PAXBP1: variants seen among roughly 807,000 people sequenced by gnomAD.
The protein encoded by PAXBP1 is PAX3- and PAX7-binding protein 1.
In PAXBP1, 44 loss-of-function variants were observed where a neutral mutation model predicts 119.9. That is an observed-to-expected ratio of 0.37 (90% CI 0.29 to 0.47). The LOEUF (loss-of-function observed/expected upper bound fraction) is 0.47, where lower values mean the gene tolerates loss of function less well. Among genes scored for constraint, PAXBP1 ranks in the 20% least tolerant of loss-of-function variants. The pLI is 0.99. For missense variants in PAXBP1, 898 were observed against 1,134.1 expected (o/e 0.79, Z 2.99); for synonymous variants, 393 against 406.6 (o/e 0.97, Z 0.40).
At chr21:32,757,085 G>A (rs1329376222) in intron 7 of PAXBP1, among the ~76,000 whole-genome samples, 1 of 151,830 alleles carries the variant, frequency 6.6e-6, no homozygotes, top group African/African-American at 2.4e-5. Flanking sequence ...AAAAACAATG[G>A]CAAGTTAAAA....
chr21:32,741,993 A>G (rs1404286841), intron 15 of PAXBP1, among the ~76,000 whole-genome samples: 1 of 152,296 alleles, frequency 6.6e-6, no homozygotes, highest in East Asian at 1.9e-4. Context: ...CCTCAAATTT[A>G]TTCAGTGGAA....
chr21:32,743,148 T>C (rs985764855), intron 15 of PAXBP1, 100 bp downstream of exon 15: 2 of 856,694 alleles, frequency 2.3e-6, no homozygotes, highest in East Asian at 2.6e-5. Flanking sequence ...TATAAATAGA[T>C]CTAAGCCTAT....
At chr21:32,753,818 T>C (rs1270798028) in intron 8 of PAXBP1, among the ~76,000 whole-genome samples, 1 of 152,220 alleles carries the variant, frequency 6.6e-6, no homozygotes, top group Non-Finnish European at 1.5e-5. Flanking sequence ...TCTAAGTAAA[T>C]AGCTCCATAT....
chr21:32,746,379 T>G (rs538557389), intron 11 of PAXBP1, among the ~76,000 whole-genome samples: 1 of 152,068 alleles, frequency 6.6e-6, no homozygotes, highest in African/African-American at 2.4e-5. Flanking sequence ...CTGACAAAGG[T>G]CTAATATCCA....
intron 15 of PAXBP1, among the ~76,000 whole-genome samples, chr21:32,741,885 TTTTC>T (rs2146472001): frequency 6.6e-6 from 1 of 152,284 alleles, no homozygotes; most frequent in South Asian, 2.1e-4. Flanking sequence ...TATGGTATTG[TTTTC>T]TGAGTCCCAA....
At chr21:32,746,746 CAGAA>C (rs1305796284) in intron 11 of PAXBP1, among the ~76,000 whole-genome samples, 1 of 152,144 alleles carries the variant, frequency 6.6e-6, no homozygotes, top group Admixed American at 6.5e-5. Context: ...TATATACCTA[CAGAA>C]ATATAAATCA....
Position 32,769,877 on chromosome 21 carries a change from T to C in PAXBP1, c.409A>G (p.Lys137Glu). ...TTTTCAAGATCTTCTTTATATTCCTTCTTGAGCAATTTTACTATCTTTTTG... is the reference window on the plus strand; with the variant it reads ...TTTTCAAGATCTTCTTTATATTCCTCCTTGAGCAATTTTACTATCTTTTTG... ...YSKKIVKLLK[K>E]EYKEDLEKSK... The change falls in exon 2 of 18, where the codon AAG (lysine) becomes GAG (glutamate). Residue 137 changes from lysine (K) to glutamate (E), a missense_variant. Physicochemically the swap from Lys to Glu is moderately conservative, Grantham distance 56. Coordinates refer to ENST00000331923, the MANE Select transcript of PAXBP1 (RefSeq NM_016631.4). 1 of 1,595,244 alleles carries C rather than the reference T, an allele frequency of 6.3e-7. No individual in the cohort carries two copies. Among genetic ancestry groups the C allele is most frequent in the Non-Finnish European group, 8.5e-7 (1 of 1,171,880 alleles).
intron 4 of PAXBP1, 150 bp from the exon 5 acceptor site, chr21:32,761,312 C>A (rs1285019571): frequency 1.5e-6 from 1 of 662,960 alleles, no homozygotes; most frequent in East Asian, 2.5e-5. Flanking sequence ...ATTTGGTAGT[C>A]CTGACTTTGC....
intron 2 of PAXBP1, among the ~76,000 whole-genome samples, chr21:32,769,266 T>C (rs904910100): frequency 6.6e-6 from 1 of 152,156 alleles, no homozygotes; most frequent in Non-Finnish European, 1.5e-5. Context: ...TTTTTTAAAC[T>C]GAGGTTTTGA....
intron 2 of PAXBP1, among the ~76,000 whole-genome samples, chr21:32,765,719 T>C (rs1400075114): frequency 6.6e-6 from 1 of 152,082 alleles, no homozygotes; most frequent in Non-Finnish European, 1.5e-5. Context: ...TTTTTCTTTT[T>C]TTTTTTCATT....
At chr21:32,750,465 CTT>C (rs2092628799) in intron 10 of PAXBP1, among the ~76,000 whole-genome samples, 1 of 152,192 alleles carries the variant, frequency 6.6e-6, no homozygotes, top group South Asian at 2.1e-4. Context: ...GAAATGAAGA[CTT>C]TTATTTGGGA....
At chr21:32,745,270 G>A (rs1055181819) in intron 12 of PAXBP1, among the ~76,000 whole-genome samples, 4 of 152,024 alleles carry the variant, frequency 2.6e-5, no homozygotes, top group African/African-American at 9.7e-5. Flanking sequence ...CATTTTAATT[G>A]CTCCCCACAT....
Position 32,764,358 on chromosome 21 carries a change from A to C in PAXBP1, c.639T>G (p.Val213=). The change falls in exon 3 of 18, where the codon GTT becomes GTG. Residue 213 remains valine (V), a synonymous_variant. Coordinates refer to ENST00000331923, the MANE Select transcript of PAXBP1 (RefSeq NM_016631.4). ...CTTTTGAGTACACACCTGGACGAAG[A>C]ACATTCAATGAAGATAAAGCATTTG... is the stretch of plus-strand genomic sequence containing the variant. ...AFSNALSSLN[V]LRPGEIPDAA... The C allele has an allele frequency of 6.2e-7, 1 of 1,613,760 alleles. No homozygotes were observed. The highest frequency in any genetic ancestry group is 8.5e-7 in the Non-Finnish European group (1 of 1,179,852).
At chr21:32,758,259 A>G (rs759931495) in intron 7 of PAXBP1, among the ~76,000 whole-genome samples, 24 of 152,198 alleles carry the variant, frequency 1.6e-4, no homozygotes, top group Non-Finnish European at 2.8e-4. Flanking sequence ...AGCCAATAAC[A>G]AAGGGAAATG....
intron 7 of PAXBP1, among the ~76,000 whole-genome samples, chr21:32,757,088 A>G (rs2044055172): frequency 6.6e-6 from 1 of 152,222 alleles, no homozygotes; most frequent in African/African-American, 2.4e-5. Flanking sequence ...AACAATGGCA[A>G]GTTAAAATGA....
chr21:32,771,587 C>G lies in PAXBP1; in HGVS notation c.82G>C (p.Glu28Gln). Residue 28 changes from glutamate to glutamine, a missense_variant, in exon 1 of 18, where the codon GAG becomes CAG. Transcript: ENST00000331923. Reference sequence around the variant, plus strand: ...GGCGGCGGCAACAACGGCGGCGGCTCCTGCTCCTCATCGCGTTCCCGCTCT... The same window carrying G: ...GGCGGCGGCAACAACGGCGGCGGCTGCTGCTCCTCATCGCGTTCCCGCTCT... The part of the protein sequence containing the change: ...EEERERDEEQ[E>Q]PPPLLPPPGT... The G allele has an allele frequency of 6.8e-7, 1 of 1,461,040 alleles. No individual in the cohort carries two copies. The highest frequency in any genetic ancestry group is 9.0e-7 in the Non-Finnish European group (1 of 1,111,962). 90.5% of individuals were successfully genotyped at this position (1,461,040 alleles called of 1,614,324 possible).
chr21:32,762,398 C>T, intron 3 of PAXBP1, 81 bp from the exon 4 acceptor site: 1 of 1,490,832 alleles, frequency 6.7e-7, no homozygotes, highest in East Asian at 2.5e-5. Flanking sequence ...GTAAAATAAT[C>T]CAAGATAGCC....
At chr21:32,745,809 C>G (rs1039077866) in intron 11 of PAXBP1, 91 bp from the exon 12 acceptor site, 26 of 1,505,030 alleles carry the variant, frequency 1.7e-5, no homozygotes, top group Non-Finnish European at 2.1e-5. Context: ...TGGATTTAAC[C>G]TTTGGTTGCA....
At chr21:32,745,433 T>C (rs1391499450) in intron 12 of PAXBP1, 141 bp downstream of exon 12, 3 of 1,206,734 alleles carry the variant, frequency 2.5e-6, no homozygotes, top group Non-Finnish European at 2.3e-6. Flanking sequence ...CTCTGCCCTC[T>C]AGCCATCTCT....
Sources: allele counts gnomAD v4.1 joint callset (sites outside exome capture counted in the v4.1 genomes callset), GRCh38; gene constraint gnomAD v4.1.1; transcripts MANE v1.5; gene names NCBI Gene and HGNC (gene_info 2026-07-23, HGNC 2026-07-21).